Variants in PCDHA8 observed in about 807,000 individuals in gnomAD.
PCDHA8 encodes protocadherin alpha-8.
PCDHA8 carries 53 observed loss-of-function variants against 61.8 expected under a neutral mutation model. The observed-to-expected ratio is 0.86, with a 90% confidence interval of 0.69 to 1.08. The LOEUF is 1.08. PCDHA8 is among the 50% of genes least tolerant of loss of function. The probability of loss-of-function intolerance (pLI) is 0.00; values close to 1 mark genes in which losing one functional copy is unlikely to be tolerated. For missense variants in PCDHA8, 1,293 were observed against 1,245.0 expected, an observed-to-expected ratio of 1.04 and a Z score of -0.58; for synonymous variants, 618 against 556.6, an observed-to-expected ratio of 1.11 and a Z score of -1.55.
chr5:140,856,258 C>G, intron 1 of PCDHA8: 1 of 1,598,068 alleles, frequency 6.3e-7, no homozygotes, highest in South Asian at 1.1e-5. Context: ...CCAAAAGACA[C>G]GGGGACCTTC....
rs182995378 is a variant in PCDHA8, at chr5:140,842,539, G to A, written c.1218G>A (p.Ser406=). Residue 406 remains serine, a synonymous_variant, in exon 1 of 4, where the codon TCG becomes TCA. Coordinates refer to ENST00000531613, the MANE Select transcript of PCDHA8 (RefSeq NM_018911.3). ...TGTCCACCTTCAAGAATTACTACTCGTTGGTGCTGGACAGCGCCCTGGACC... is the reference window on the plus strand; with the variant it reads ...TGTCCACCTTCAAGAATTACTACTCATTGGTGCTGGACAGCGCCCTGGACC... ...KLVSTFKNYY[S]LVLDSALDRE... 1.2e-6 allele frequency: 2 copies of A among 1,610,436 alleles called. No individual in the cohort carries two copies. Among genetic ancestry groups the A allele is most frequent in the African/African-American group, 1.3e-5 (1 of 74,634 alleles).
Position 140,851,010 on chromosome 5 carries a change from T to C in PCDHA8, c.2394+7295T>C, listed in dbSNP as rs200591127. 6.3e-5 allele frequency: 90 copies of C among 1,436,878 alleles called. 3 individuals are homozygous for C. In the African/African-American group the frequency reaches 1.2e-3, roughly 20 times the overall value. The allele number at this position is 1,436,878 out of a possible 1,614,324, so 89.0% of individuals were successfully genotyped here. A position where few individuals can be genotyped will look rare whatever the true frequency, so the allele number is the denominator to read the frequency against. On this transcript the variant is annotated intron_variant, in intron 1 of 3. Transcript: ENST00000531613. ...TTTTCTAGAAATCCAGCAGATTTTT[T>C]TTCTGATAAAGTAAACCCCTTAACA...
chr5:140,927,418 C>T (rs1296760547), intron 1 of PCDHA8: 3 of 1,614,106 alleles, frequency 1.9e-6, no homozygotes, highest in Admixed American at 1.7e-5. Flanking sequence ...CATGGGATCG[C>T]GGGTTGACGG....
chr5:140,849,915 A>G (rs1554143492), intron 1 of PCDHA8: 3 of 1,598,260 alleles, frequency 1.9e-6, no homozygotes, highest in Non-Finnish European at 2.6e-6. Flanking sequence ...GGGCTGCCAC[A>G]TCTTCACGGT....
Position 140,853,605 on chromosome 5 carries a change from G to A in PCDHA8, c.2394+9890G>A, listed in dbSNP as rs773791072. ...TCTTAGACACTTTGAGAGCAAAGGG[G>A]GTGCTGTAAATAAGTATACAAGATC... On this transcript the variant is annotated intron_variant, in intron 1 of 3. Transcript: ENST00000531613. 143 of 987,206 alleles carry A rather than the reference G, an allele frequency of 1.4e-4. 19 individuals carry two copies. The highest frequency in any genetic ancestry group is 1.7e-4 in the Non-Finnish European group (138 of 819,622). 61.2% of individuals were successfully genotyped at this position (987,206 alleles called of 1,614,324 possible). A position where few individuals can be genotyped will look rare whatever the true frequency, so the allele number is the denominator to read the frequency against.
intron 1 of PCDHA8, among the ~76,000 whole-genome samples, chr5:140,906,212 A>C (rs2072460025): frequency 6.6e-6 from 1 of 152,194 alleles, no homozygotes; most frequent in South Asian, 2.1e-4. Context: ...CTCAGTATTA[A>C]CCATCACAAG....
chr5:140,987,001 G>T (rs2097221434), intron 3 of PCDHA8, among the ~76,000 whole-genome samples: 1 of 152,038 alleles, frequency 6.6e-6, no homozygotes. Context: ...ATCACTTGAG[G>T]TCATGAGTTC....
intron 1 of PCDHA8, among the ~76,000 whole-genome samples, chr5:140,956,246 C>T (rs2095270779): frequency 6.6e-6 from 1 of 152,094 alleles, no homozygotes; most frequent in African/African-American, 2.4e-5. Context: ...GGGAATGCTT[C>T]CAGGTTTTGC....
intron 1 of PCDHA8, among the ~76,000 whole-genome samples, chr5:140,845,170 T>C (rs1779731590): frequency 6.7e-6 from 1 of 149,622 alleles, no homozygotes; most frequent in Non-Finnish European, 1.5e-5. Context: ...ATTGTTTTCA[T>C]TTTAGTCCTT....
intron 1 of PCDHA8, among the ~76,000 whole-genome samples, chr5:140,897,173 G>A (rs1212341088): frequency 6.6e-6 from 1 of 151,926 alleles, no homozygotes; most frequent in East Asian, 1.9e-4. Context: ...CTATCTCCAT[G>A]GGTTCAAAAA....
At chr5:140,993,218 T>C (rs534348907) in intron 3 of PCDHA8, among the ~76,000 whole-genome samples, 1 of 152,330 alleles carries the variant, frequency 6.6e-6, no homozygotes, top group East Asian at 1.9e-4. Flanking sequence ...TTTAGCTTTT[T>C]GGTATGTTCT....
chr5:140,914,783 A>G (rs1445627539), intron 1 of PCDHA8, among the ~76,000 whole-genome samples: 1 of 151,972 alleles, frequency 6.6e-6, no homozygotes, highest in Admixed American at 6.6e-5. Context: ...TTATCTTATG[A>G]CCCATTATTT....
In PCDHA8 at chr5:140,843,128, T is replaced by G. The variant is rs2150353491; in HGVS notation, c.1807T>G (p.Tyr603Asp). ...KVRAVDADSGYNAWLSYELQP... is the reference protein window; with the variant it reads ...KVRAVDADSGDNAWLSYELQP... Reference sequence around the variant, plus strand: ...GCGCGCAGTGGACGCCGACTCGGGCTACAACGCGTGGCTTTCGTATGAGCT... The same window carrying G: ...GCGCGCAGTGGACGCCGACTCGGGCGACAACGCGTGGCTTTCGTATGAGCT... Residue 603 changes from tyrosine to aspartate, a missense_variant, in exon 1 of 4, where the codon TAC becomes GAC. Coordinates refer to ENST00000531613, the MANE Select transcript of PCDHA8 (RefSeq NM_018911.3). 1 of 1,595,926 alleles carries G rather than the reference T, an allele frequency of 6.3e-7. No homozygotes were observed. The highest frequency in any genetic ancestry group is 1.7e-5 in the Admixed American group (1 of 59,346).
chr5:140,852,182 A>C, intron 1 of PCDHA8: 1 of 758,132 alleles, frequency 1.3e-6, no homozygotes. Context: ...AATAACTATG[A>C]AAATGCCAGT....
chr5:140,869,415 C>T (rs1444507177), intron 1 of PCDHA8: 2 of 1,614,216 alleles, frequency 1.2e-6, no homozygotes, highest in South Asian at 1.1e-5. Context: ...AGTGCAGCAT[C>T]CACCTGGAGG....
chr5:140,966,951 C>G lies in PCDHA8; in HGVS notation c.2395-11998C>G, dbSNP rs781885198. 3.1e-5 allele frequency: 50 copies of G among 1,603,624 alleles called. No individual in the cohort carries two copies. The highest frequency in any genetic ancestry group is 4.2e-5 in the Non-Finnish European group (50 of 1,178,520). The stretch of plus-strand genomic sequence containing the variant: ...CCCGGCGCGCTCGTGGGCAACGTGG[C>G]TCGCGCGCTGGGGCTTGAGCTGCGG... On this transcript the variant is annotated intron_variant, in intron 1 of 3. Coordinates refer to ENST00000531613, the MANE Select transcript of PCDHA8 (RefSeq NM_018911.3).
intron 1 of PCDHA8, chr5:140,852,238 A>G: frequency 1.7e-6 from 1 of 575,312 alleles, no homozygotes; most frequent in South Asian, 7.7e-5. Context: ...ATTTTCCCTT[A>G]AAACACACTT....
At chr5:140,955,552 C>T (rs1554221978) in intron 1 of PCDHA8, among the ~76,000 whole-genome samples, 2 of 152,092 alleles carry the variant, frequency 1.3e-5, no homozygotes, top group African/African-American at 4.8e-5. Flanking sequence ...TTGAGGCCTC[C>T]CCAGCCATAC....
At chr5:140,993,571 G>A (rs1298531948) in intron 3 of PCDHA8, among the ~76,000 whole-genome samples, 1 of 151,484 alleles carries the variant, frequency 6.6e-6, no homozygotes, top group Non-Finnish European at 1.5e-5. Flanking sequence ...TCCTTTCTAG[G>A]GATGCTTTTC....
Sources: allele counts gnomAD v4.1 joint callset (sites outside exome capture counted in the v4.1 genomes callset), GRCh38; gene constraint gnomAD v4.1.1; transcripts MANE v1.5; gene names NCBI Gene and HGNC (gene_info 2026-07-23, HGNC 2026-07-21).